Variants in CCDC91 observed in about 807,000 individuals in gnomAD.
CCDC91 encodes coiled-coil domain containing 91.
A neutral mutation model predicts 63.2 loss-of-function variants in CCDC91; 48 were observed. The observed-to-expected ratio is 0.76, with a 90% confidence interval of 0.60 to 0.97. CCDC91 has a LOEUF of 0.97. Ranked by LOEUF, CCDC91 falls within the 50% of genes least tolerant of loss-of-function variation. The pLI, the probability that CCDC91 is intolerant of heterozygous loss-of-function variation, is 0.00. For missense variants in CCDC91, 500 were observed against 494.6 expected (o/e 1.01, Z -0.10); for synonymous variants, 167 against 165.8 (o/e 1.01, Z -0.06).
At chr12:28,262,153 A>G (rs1449818640) in intron 3 of CCDC91, among the ~76,000 whole-genome samples, 2 of 152,064 alleles carry the variant, frequency 1.3e-5, no homozygotes, top group African/African-American at 4.8e-5. Flanking sequence ...CTGAGAAGAT[A>G]GGAACCCCTT....
At chr12:28,247,193 A>C (rs1162702663) in intron 1 of CCDC91, among the ~76,000 whole-genome samples, 1 of 152,204 alleles carries the variant, frequency 6.6e-6, no homozygotes, top group Non-Finnish European at 1.5e-5. Flanking sequence ...AGGAATTTTT[A>C]CTTTGGGCTG....
At chr12:28,396,460 G>A (rs1207408035) in intron 8 of CCDC91, among the ~76,000 whole-genome samples, 1 of 152,118 alleles carries the variant, frequency 6.6e-6, no homozygotes, top group Non-Finnish European at 1.5e-5. Context: ...GGGAATATTA[G>A]TAGCATGTAA....
intron 1 of CCDC91, among the ~76,000 whole-genome samples, chr12:28,227,096 TATC>T (rs973487281): frequency 8.5e-5 from 13 of 152,166 alleles, no homozygotes; most frequent in African/African-American, 1.9e-4. Flanking sequence ...ACTATCAACT[TATC>T]ATTGTTAAGC....
At chr12:28,313,810 T>C (rs1729001240) in intron 6 of CCDC91, among the ~76,000 whole-genome samples, 1 of 152,030 alleles carries the variant, frequency 6.6e-6, no homozygotes, top group Admixed American at 6.6e-5. Context: ...CAGAAATAGC[T>C]ATTTAAAGGA....
In CCDC91 at chr12:28,320,806, G is replaced by A. The variant is rs542769391; in HGVS notation, c.576+13057G>A. ...TTGAGAAAATTTTGGTAAGGGTTTA[G>A]GTGGCTCCCAGTGTCTTTGTTGTCT... On this transcript the variant is annotated intron_variant, in intron 6 of 12. Coordinates refer to ENST00000536442, the MANE Select transcript of CCDC91 (RefSeq NM_018318.5). Among the ~76,000 whole-genome samples the A allele has an allele frequency of 1.4e-4, 21 of 151,948 alleles. No individual in the cohort carries two copies. In the East Asian group the frequency reaches 4.1e-3, roughly 30 times the overall value.
At chr12:28,217,288 T>A (rs1204024308) in intron 1 of CCDC91, among the ~76,000 whole-genome samples, 1 of 152,174 alleles carries the variant, frequency 6.6e-6, no homozygotes, top group Non-Finnish European at 1.5e-5. Context: ...AAATTTTAAT[T>A]CATTATATCC....
intron 1 of CCDC91, among the ~76,000 whole-genome samples, chr12:28,201,624 G>T (rs878993720): frequency 6.8e-6 from 1 of 146,212 alleles, no homozygotes; most frequent in Non-Finnish European, 1.5e-5. Context: ...CCCAGACGGG[G>T]TGGCGGCCGG....
At chr12:28,282,736 T>C (rs1424138335) in intron 3 of CCDC91, among the ~76,000 whole-genome samples, 1 of 152,130 alleles carries the variant, frequency 6.6e-6, no homozygotes, top group Non-Finnish European at 1.5e-5. Flanking sequence ...TATTTTTGTT[T>C]TTACTGCATT....
At chr12:28,518,742 A>G (rs2141382353) in intron 12 of CCDC91, among the ~76,000 whole-genome samples, 1 of 152,088 alleles carries the variant, frequency 6.6e-6, no homozygotes, top group East Asian at 1.9e-4. Context: ...TAATGTCTAG[A>G]AGGCTTTTTC....
At chr12:28,399,889 C>T (rs532765903) in intron 8 of CCDC91, among the ~76,000 whole-genome samples, 1 of 152,334 alleles carries the variant, frequency 6.6e-6, no homozygotes, top group East Asian at 1.9e-4. Context: ...CAGGCCTCCT[C>T]CTGGCTGCTT....
At chr12:28,503,317 A>T (rs1356824382) in intron 12 of CCDC91, among the ~76,000 whole-genome samples, 1 of 152,230 alleles carries the variant, frequency 6.6e-6, no homozygotes, top group Non-Finnish European at 1.5e-5. Flanking sequence ...TTATGCAGCC[A>T]AAAAACACAT....
chr12:28,464,176 T>C (rs1274373951), intron 11 of CCDC91, among the ~76,000 whole-genome samples: 1 of 152,202 alleles, frequency 6.6e-6, no homozygotes, highest in Non-Finnish European at 1.5e-5. Flanking sequence ...TCACTGATCC[T>C]AGCAGTCAGT....
intron 11 of CCDC91, among the ~76,000 whole-genome samples, chr12:28,455,232 A>C (rs1950002159): frequency 6.6e-6 from 1 of 152,132 alleles, no homozygotes; most frequent in African/African-American, 2.4e-5. Context: ...TTTTCAAATA[A>C]GTTTATAGAT....
intron 7 of CCDC91, among the ~76,000 whole-genome samples, chr12:28,366,499 G>A (rs1032224426): frequency 2.0e-5 from 3 of 152,186 alleles, no homozygotes; most frequent in Non-Finnish European, 2.9e-5. Flanking sequence ...AGAGAACTTA[G>A]ATTTTCACTT....
chr12:28,222,734 T>C (rs1481803603), intron 1 of CCDC91, among the ~76,000 whole-genome samples: 1 of 152,236 alleles, frequency 6.6e-6, no homozygotes, highest in African/African-American at 2.4e-5. Context: ...TTTAAATCTG[T>C]ATTCTTTCTG....
intron 1 of CCDC91, among the ~76,000 whole-genome samples, chr12:28,241,440 C>T (rs1380608860): frequency 2.0e-5 from 3 of 152,152 alleles, no homozygotes; most frequent in African/African-American, 7.2e-5. Flanking sequence ...CAAGTGGCAG[C>T]TTGCAGTTTT....
At chr12:28,364,277 T>C (rs551304802) in intron 7 of CCDC91, among the ~76,000 whole-genome samples, 3 of 151,588 alleles carry the variant, frequency 2.0e-5, no homozygotes, top group Non-Finnish European at 4.4e-5. Flanking sequence ...TCCCAGCTAC[T>C]TGGGGGAGGC....
chr12:28,197,306 A>G (rs1165288053), intron 1 of CCDC91, among the ~76,000 whole-genome samples: 1 of 152,136 alleles, frequency 6.6e-6, no homozygotes, highest in Non-Finnish European at 1.5e-5. Context: ...AGCGGTTTAG[A>G]GTCTGTAATC....
intron 11 of CCDC91, among the ~76,000 whole-genome samples, chr12:28,454,589 G>C (rs887256995): frequency 2.6e-5 from 4 of 152,122 alleles, no homozygotes; most frequent in Non-Finnish European, 5.9e-5. Flanking sequence ...ACAACTGTTT[G>C]CTTGTTAATT....
Sources: allele counts gnomAD v4.1 joint callset (sites outside exome capture counted in the v4.1 genomes callset), GRCh38; gene constraint gnomAD v4.1.1; transcripts MANE v1.5; gene names NCBI Gene and HGNC (gene_info 2026-07-23, HGNC 2026-07-21).